Variants in COL15A1 observed in about 807,000 individuals in gnomAD.
COL15A1 encodes collagen type XV alpha 1 chain.
In COL15A1, 111 loss-of-function variants were observed where a neutral mutation model predicts 165.9. That is an observed-to-expected ratio of 0.67 (90% CI 0.57 to 0.78). COL15A1 has a LOEUF of 0.78. COL15A1 is among the 30% of genes least tolerant of loss of function. The pLI, the probability that COL15A1 is intolerant of heterozygous loss-of-function variation, is 0.00. For missense variants in COL15A1, 1,745 were observed against 1,789.7 expected, an observed-to-expected ratio of 0.98 and a Z score of 0.45; for synonymous variants, 659 against 674.8, an observed-to-expected ratio of 0.98 and a Z score of 0.36.
At chr9:99,037,536 T>C (rs1839324223) in intron 21 of COL15A1, among the ~76,000 whole-genome samples, 1 of 152,064 alleles carries the variant, frequency 6.6e-6, no homozygotes, top group African/African-American at 2.4e-5. Context: ...CTGGGCAACA[T>C]AGCAAGACCC....
intron 9 of COL15A1, among the ~76,000 whole-genome samples, chr9:99,012,062 A>G (rs1235842745): frequency 6.6e-6 from 1 of 152,234 alleles, no homozygotes; most frequent in Non-Finnish European, 1.5e-5. Flanking sequence ...TTGACACCTT[A>G]TAGTATTTGG....
rs1169617626 is a variant in COL15A1 at position 99,042,043 on chromosome 9, A to G, written c.2512-2A>G. 8 of 1,598,082 alleles carry G rather than the reference A, an allele frequency of 5.0e-6. No homozygotes were observed. The highest frequency in any genetic ancestry group is 5.1e-6 in the Non-Finnish European group (6 of 1,167,054). ...CAAATACTATATAACAATTCCTTCC[A>G]GGGTCCTAGAGGACCAAAAGGTGAC... On this transcript the variant is annotated splice_acceptor_variant, in intron 23 of 41. Coordinates refer to ENST00000375001, the MANE Select transcript of COL15A1 (RefSeq NM_001855.5). LOFTEE classifies it high-confidence loss of function.
chr9:99,006,007 C>T (rs1410235217), intron 9 of COL15A1, among the ~76,000 whole-genome samples: 1 of 152,230 alleles, frequency 6.6e-6, no homozygotes, highest in Non-Finnish European at 1.5e-5. Flanking sequence ...TTCAGCCACA[C>T]TGACCTTTTT....
intron 13 of COL15A1, among the ~76,000 whole-genome samples, chr9:99,023,050 G>A (rs540413859): frequency 1.3e-5 from 2 of 152,186 alleles, no homozygotes; most frequent in Non-Finnish European, 2.9e-5. Flanking sequence ...AATTCTGCCT[G>A]GAAACGGGGT....
Position 99,024,050 on chromosome 9 carries a change from C to T in COL15A1, c.1854+601C>T, listed in dbSNP as rs1839071161. ...TCTAGCTGCAGCTGGTGCCTCTGTC[C>T]CTGAGAGCCTGTGCTGAATCCCTGG... On this transcript the variant is annotated intron_variant, in intron 14 of 41. Transcript: ENST00000375001. 2.0e-5 allele frequency among the ~76,000 whole-genome samples: 3 copies of T among 152,120 alleles called. 1 individual carries two copies. The South Asian group carries it at 6.2e-4, about 31-fold the overall frequency.
At chr9:98,999,889 C>G (rs1195271998) in intron 6 of COL15A1, among the ~76,000 whole-genome samples, 1 of 148,510 alleles carries the variant, frequency 6.7e-6, no homozygotes, top group Non-Finnish European at 1.5e-5. Context: ...GAATCTCACT[C>G]TGTCACCCAG....
Position 99,021,493 on chromosome 9 carries a change from C to T in COL15A1, c.1702-598C>T, listed in dbSNP as rs114143038. On this transcript the variant is annotated intron_variant, in intron 12 of 41. Coordinates refer to ENST00000375001, the MANE Select transcript of COL15A1 (RefSeq NM_001855.5). ...AGCCACTTCTCTGGGCCCTTTTTGA[C>T]AGCCAAAACCTCCTGGGATGCCACT... Among the ~76,000 whole-genome samples the T allele has an allele frequency of 2.9e-3, 448 of 152,304 alleles. 2 individuals are homozygous for T. The highest frequency in any genetic ancestry group is 9.9e-3 in the African/African-American group (410 of 41,560).
intron 11 of COL15A1, among the ~76,000 whole-genome samples, chr9:99,019,261 T>G (rs138132936): frequency 0.019 from 2,912 of 152,300 alleles, 89 homozygotes; most frequent in African/African-American, 0.067. Flanking sequence ...TGGCGTGATC[T>G]CGGCTTACTG....
At chr9:99,009,907 C>T (rs892619884) in intron 9 of COL15A1, among the ~76,000 whole-genome samples, 1 of 152,146 alleles carries the variant, frequency 6.6e-6, no homozygotes, top group African/African-American at 2.4e-5. Flanking sequence ...CCAAGAAAAC[C>T]TTGTTAATCT....
intron 26 of COL15A1, 72 bp from the exon 27 acceptor site, chr9:99,047,714 G>T (rs1263700641): frequency 6.6e-7 from 1 of 1,509,408 alleles, no homozygotes; most frequent in African/African-American, 1.4e-5. Context: ...TGCAAAAGCG[G>T]GCTTGCACTC....
At chr9:99,005,838 G>A (rs146624159) in intron 9 of COL15A1, among the ~76,000 whole-genome samples, 1 of 152,128 alleles carries the variant, frequency 6.6e-6, no homozygotes, top group Non-Finnish European at 1.5e-5. Context: ...TCCTCTCACA[G>A]CTTGTCTCCA....
chr9:99,055,779 T>TAG lies in COL15A1; in HGVS notation c.3192+408_3192+409dup, dbSNP rs1189303870. Among the ~76,000 whole-genome samples, 3 of 152,354 alleles carry TAG rather than the reference T, an allele frequency of 2.0e-5. No individual in the cohort carries two copies. The East Asian group carries it at 5.8e-4, about 29-fold the overall frequency. Reference sequence around the variant, plus strand: ...AGCTCCTAGATAGGTGTGGTTTTCCTAGGATGAGAGATTTTTCCAGGTGAA... The same window carrying TAG: ...AGCTCCTAGATAGGTGTGGTTTTCCTAGAGGATGAGAGATTTTTCCAGGTGAA... On this transcript the variant is annotated intron_variant, in intron 34 of 41. Coordinates refer to ENST00000375001, the MANE Select transcript of COL15A1 (RefSeq NM_001855.5).
intron 2 of COL15A1, among the ~76,000 whole-genome samples, chr9:98,973,639 G>T (rs1838097068): frequency 1.3e-5 from 2 of 152,348 alleles, no homozygotes; most frequent in African/African-American, 2.4e-5. Flanking sequence ...CCTGGGTGGG[G>T]CTGAGTTTCC....
rs929820050 is a variant in COL15A1, at chr9:99,024,880, C to G, written c.1861C>G (p.Pro621Ala). ...VGSEQLLRGP[P>A]GPPGPPGLPG... is the part of the protein sequence containing the mutation. ...AGAGTCTTTGTGTTTTTAGGGTCCT[C>G]CAGGACCCCCAGGGCCACCTGGCTT... Residue 621 changes from proline (P) to alanine (A), a missense_variant, in exon 15 of 42, where the codon CCA becomes GCA. By Grantham distance (27) the Pro-to-Ala change is conservative. Transcript: ENST00000375001. The G allele has an allele frequency of 6.2e-7, 1 of 1,613,454 alleles. No homozygotes were observed.
Position 99,059,957 on chromosome 9 carries a change from A to G in COL15A1, c.3402+4A>G, listed in dbSNP as rs1372013799. On this transcript the variant is annotated splice_donor_region_variant and intron_variant, in intron 36 of 41. Transcript: ENST00000375001. Reference sequence around the variant, plus strand: ...GCTTCCCGGATCCAGAAACCTGGTCAGTATTATCATCAGTGTGTAGTCATC... The same window carrying G: ...GCTTCCCGGATCCAGAAACCTGGTCGGTATTATCATCAGTGTGTAGTCATC... The G allele has an allele frequency of 1.2e-6, 2 of 1,613,794 alleles. No homozygotes were observed. Among genetic ancestry groups the G allele is most frequent in the Non-Finnish European group, 8.5e-7 (1 of 1,179,894 alleles).
intron 16 of COL15A1, among the ~76,000 whole-genome samples, chr9:99,032,934 T>C (rs181130336): frequency 6.6e-6 from 1 of 152,254 alleles, no homozygotes; most frequent in Non-Finnish European, 1.5e-5. Context: ...GTCATGGCTA[T>C]GTTATCCTAC....
intron 2 of COL15A1, among the ~76,000 whole-genome samples, chr9:98,977,100 A>G (rs1838154457): frequency 6.6e-6 from 1 of 152,106 alleles, no homozygotes; most frequent in Non-Finnish European, 1.5e-5. Context: ...TTTATTAAGC[A>G]CTCTGTGTGC....
intron 14 of COL15A1, 135 bp from the exon 15 acceptor site, chr9:99,024,739 C>G: frequency 2.1e-6 from 2 of 956,118 alleles, no homozygotes; most frequent in Non-Finnish European, 3.1e-6. Context: ...GCCTTATTTT[C>G]CGCATCTGCT....
At chr9:99,050,789 C>T (rs1261359822) in intron 30 of COL15A1, among the ~76,000 whole-genome samples, 4 of 152,184 alleles carry the variant, frequency 2.6e-5, no homozygotes, top group South Asian at 2.1e-4. Context: ...GAGGTGAGTT[C>T]GTAATTGATC....
Sources: gnomAD v4.1 joint callset for allele counts (sites outside exome capture counted in the v4.1 genomes callset) on GRCh38, gnomAD v4.1.1 for gene constraint, MANE v1.5 for transcripts, NCBI Gene and HGNC (gene_info 2026-07-23, HGNC 2026-07-21) for gene names.